TDRP: variants seen among roughly 807,000 people sequenced by gnomAD.
TDRP encodes testis development related protein.
In TDRP, 12 loss-of-function variants were observed where a neutral mutation model predicts 10.5. The ratio of observed to expected loss-of-function variants is 1.15; its 90% CI spans 0.73 to 1.86. TDRP has a LOEUF of 1.86. TDRP is among the 40% of genes most tolerant of loss of function. The pLI, the probability that TDRP is intolerant of heterozygous loss-of-function variation, is 0.00. For missense variants in TDRP, 353 were observed against 229.2 expected (o/e 1.54, Z -3.49); for synonymous variants, 139 against 95.4 (o/e 1.46, Z -2.67).
intron 1 of TDRP, among the ~76,000 whole-genome samples, chr8:500,840 G>C (rs1057202205): frequency 6.6e-6 from 1 of 152,188 alleles, no homozygotes; most frequent in African/African-American, 2.4e-5. Flanking sequence ...GACCAACCCA[G>C]TAATGTGGGC....
intron 1 of TDRP, among the ~76,000 whole-genome samples, chr8:495,608 G>A (rs1189470517): frequency 2.0e-5 from 3 of 152,184 alleles, no homozygotes; most frequent in Admixed American, 6.5e-5. Context: ...ATTTCCCAGG[G>A]TTCATCATCA....
rs114662512 is a variant in TDRP, at chr8:519,839, T to C, written c.108+24811A>G. Among the ~76,000 whole-genome samples the C allele has an allele frequency of 5.0e-3, 755 of 152,328 alleles. 3 individuals are homozygous for C. Among genetic ancestry groups the C allele is most frequent in the African/African-American group, 0.017 (715 of 41,576 alleles). The stretch of plus-strand genomic sequence containing the variant: ...CACCCTGATGGCTCATCTTGAATTA[T>C]TGTTCCACCTGGTGAAGGGGCTGGC... On this transcript the variant is annotated intron_variant, in intron 1 of 2. Coordinates refer to ENST00000324079, the MANE Select transcript of TDRP (RefSeq NM_001384899.1).
Position 491,977 on chromosome 8 carries a change from G to A in TDRP, c.*422C>T, listed in dbSNP as rs1585130185. On this transcript the variant is annotated 3_prime_UTR_variant, in exon 3 of 3. Coordinates refer to ENST00000324079, the MANE Select transcript of TDRP (RefSeq NM_001384899.1). ...ATCTTACCTCCTGACTAATTTTCTA[G>A]CAAAAGAAAAGAACTGCATGACAGC... The A allele has an allele frequency of 9.0e-7, 1 of 1,115,484 alleles. No individual in the cohort carries two copies. The highest frequency in any genetic ancestry group is 1.1e-6 in the Non-Finnish European group (1 of 915,410). 69.1% of individuals were successfully genotyped at this position (1,115,484 alleles called of 1,614,324 possible). A position where few individuals can be genotyped will look rare whatever the true frequency, so the allele number is the denominator to read the frequency against.
chr8:492,394 C>T lies in TDRP; in HGVS notation c.*5G>A, dbSNP rs1010626455. 1.3e-6 allele frequency: 2 copies of T among 1,512,540 alleles called. No individual in the cohort carries two copies. The highest frequency in any genetic ancestry group is 1.4e-5 in the African/African-American group (1 of 72,132). The allele number at this position is 1,512,540 out of a possible 1,614,324, so 93.7% of individuals were successfully genotyped here. Reference sequence around the variant, plus strand: ...TGTCGGGGCACACTTGCCACGCAGCCCCCCTCACTCCGCCTCCTCCGGGCT... The same window carrying T: ...TGTCGGGGCACACTTGCCACGCAGCTCCCCTCACTCCGCCTCCTCCGGGCT... On this transcript the variant is annotated 3_prime_UTR_variant, in exon 3 of 3. Transcript: ENST00000324079.
rs1208483267 is a variant in TDRP, at chr8:505,610, A to T, written c.109-11013T>A. Among the ~76,000 whole-genome samples the T allele has an allele frequency of 2.0e-5, 3 of 152,214 alleles. No individual in the cohort carries two copies. In the South Asian group the frequency reaches 6.2e-4, roughly 32 times the overall value. On this transcript the variant is annotated intron_variant, in intron 1 of 2. Transcript: ENST00000324079. ...CTTCCAGCCATTTCCCATGAAGGCCATGAAGATCTCCAGCCACAGCAGCAG... is the reference window on the plus strand; with the variant it reads ...CTTCCAGCCATTTCCCATGAAGGCCTTGAAGATCTCCAGCCACAGCAGCAG...
At chr8:498,860 T>A (rs914470940) in intron 1 of TDRP, among the ~76,000 whole-genome samples, 2 of 147,382 alleles carry the variant, frequency 1.4e-5, no homozygotes, top group Non-Finnish European at 3.0e-5. Context: ...GATCTGATCA[T>A]TTAAAAGTGT....
intron 1 of TDRP, among the ~76,000 whole-genome samples, chr8:496,408 G>A (rs1801137250): frequency 6.6e-6 from 1 of 152,230 alleles, no homozygotes; most frequent in Non-Finnish European, 1.5e-5. Context: ...GCCCAGCACT[G>A]TGCAATGCAA....
chr8:530,669 T>G (rs1384723574), intron 1 of TDRP, among the ~76,000 whole-genome samples: 1 of 152,192 alleles, frequency 6.6e-6, no homozygotes, highest in Non-Finnish European at 1.5e-5. Flanking sequence ...TCTGTGGCAC[T>G]GCAAGTTGTC....
intron 1 of TDRP, among the ~76,000 whole-genome samples, chr8:524,597 T>C (rs1166110592): frequency 6.6e-6 from 1 of 152,160 alleles, no homozygotes; most frequent in Non-Finnish European, 1.5e-5. Context: ...AAATAAGTGT[T>C]CTTACATCAA....
At chr8:507,902 TTTAAC>T (rs1801508801) in intron 1 of TDRP, among the ~76,000 whole-genome samples, 2 of 152,326 alleles carry the variant, frequency 1.3e-5, no homozygotes, top group South Asian at 4.1e-4. Flanking sequence ...ACCTGTACTA[TTTAAC>T]TTAAAGTTAA....
intron 1 of TDRP, among the ~76,000 whole-genome samples, chr8:542,047 T>G (rs1413150467): frequency 6.6e-6 from 1 of 152,078 alleles, no homozygotes; most frequent in South Asian, 2.1e-4. Flanking sequence ...GGATAAACTG[T>G]GGTACACCCA....
chr8:528,352 G>C (rs966013512), intron 1 of TDRP, among the ~76,000 whole-genome samples: 1 of 152,120 alleles, frequency 6.6e-6, no homozygotes, highest in Non-Finnish European at 1.5e-5. Context: ...CAGTTTGGAG[G>C]TTACTCAAAA....
intron 1 of TDRP, among the ~76,000 whole-genome samples, chr8:539,757 T>A (rs1400450863): frequency 3.9e-5 from 6 of 152,278 alleles, no homozygotes; most frequent in Admixed American, 3.3e-4. Context: ...CGTCAATACG[T>A]TACTCCACTT....
chr8:509,489 G>C (rs2335775), intron 1 of TDRP, among the ~76,000 whole-genome samples: 22,748 of 152,202 alleles, frequency 0.15, 1,790 homozygotes, highest in South Asian at 0.25. Flanking sequence ...AAGGATTGGG[G>C]CTTGCACACT....
intron 1 of TDRP, among the ~76,000 whole-genome samples, chr8:505,356 CAG>C (rs1364281362): frequency 1.3e-5 from 2 of 152,150 alleles, no homozygotes; most frequent in Non-Finnish European, 2.9e-5. Flanking sequence ...TCTTGTGAAA[CAG>C]GGGTGGGAAG....
At chr8:497,867 A>C (rs1801177603) in intron 1 of TDRP, among the ~76,000 whole-genome samples, 1 of 152,164 alleles carries the variant, frequency 6.6e-6, no homozygotes, top group Non-Finnish European at 1.5e-5. Flanking sequence ...CAGTGGCTAA[A>C]TGGGGCCAAG....
intron 1 of TDRP, among the ~76,000 whole-genome samples, chr8:527,055 G>C (rs1486226274): frequency 1.3e-5 from 2 of 152,194 alleles, no homozygotes; most frequent in African/African-American, 4.8e-5. Context: ...CAGAGTTAGA[G>C]AGACTCCACC....
intron 1 of TDRP, among the ~76,000 whole-genome samples, chr8:498,004 A>T (rs925651905): frequency 6.6e-6 from 1 of 152,184 alleles, no homozygotes; most frequent in Non-Finnish European, 1.5e-5. Flanking sequence ...CAGAGGAGGT[A>T]TGGAAATGGC....
chr8:508,792 A>T (rs1344815684), intron 1 of TDRP, among the ~76,000 whole-genome samples: 2 of 152,202 alleles, frequency 1.3e-5, no homozygotes. Flanking sequence ...TCATTTCAGC[A>T]TTAACTCAAA....
Sources: gnomAD v4.1 joint callset for allele counts (sites outside exome capture counted in the v4.1 genomes callset) on GRCh38, gnomAD v4.1.1 for gene constraint, MANE v1.5 for transcripts, NCBI Gene and HGNC (gene_info 2026-07-23, HGNC 2026-07-21) for gene names.